ROR1: variants seen among roughly 807,000 people sequenced by gnomAD.
ROR1 encodes the protein ROR family WNT receptor 1, also known as inactive tyrosine-protein kinase transmembrane receptor ROR1.
ROR1 carries 19 observed loss-of-function variants against 78.8 expected under a neutral mutation model. That is an observed-to-expected ratio of 0.24 (90% CI 0.17 to 0.35). The LOEUF is 0.35. Among genes scored for constraint, ROR1 ranks in the 10% least tolerant of loss-of-function variants. The pLI is 1.00. For synonymous variants in ROR1, 386 were observed against 433.6 expected, an observed-to-expected ratio of 0.89 and a Z score of 1.36; for missense variants, 917 against 1,177.8, an observed-to-expected ratio of 0.78 and a Z score of 3.24.
chr1:63,936,072 A>G (rs1212577260), intron 1 of ROR1, among the ~76,000 whole-genome samples: 1 of 152,254 alleles, frequency 6.6e-6, no homozygotes, highest in Non-Finnish European at 1.5e-5. Flanking sequence ...CTGGCATCCC[A>G]GTGGCATTAC....
chr1:63,876,853 G>T (rs1645289628), intron 1 of ROR1, among the ~76,000 whole-genome samples: 2 of 151,832 alleles, frequency 1.3e-5, no homozygotes, highest in South Asian at 4.2e-4. Context: ...AGACTGCTTA[G>T]CTCATCCAGT....
intron 1 of ROR1, among the ~76,000 whole-genome samples, chr1:64,001,762 C>T (rs999804333): frequency 1.3e-5 from 2 of 152,138 alleles, no homozygotes; most frequent in Non-Finnish European, 2.9e-5. Context: ...GCTCAGATTT[C>T]GCTCTGGCCT....
chr1:64,071,028 G>T (rs1271772192), intron 4 of ROR1, among the ~76,000 whole-genome samples: 1 of 152,198 alleles, frequency 6.6e-6, no homozygotes, highest in Non-Finnish European at 1.5e-5. Flanking sequence ...CAAAATAACA[G>T]CAAGAACAAA....
At chr1:63,833,651 A>G (rs1440649814) in intron 1 of ROR1, among the ~76,000 whole-genome samples, 2 of 152,092 alleles carry the variant, frequency 1.3e-5, no homozygotes, top group Non-Finnish European at 2.9e-5. Context: ...GGTTCTATCT[A>G]TAAAGTTCCT....
At chr1:64,148,559 A>G (rs967670334) in intron 7 of ROR1, among the ~76,000 whole-genome samples, 1 of 152,196 alleles carries the variant, frequency 6.6e-6, no homozygotes, top group African/African-American at 2.4e-5. Flanking sequence ...TTTTAGTTTC[A>G]ACTAAGTAGA....
chr1:64,071,563 C>G (rs1407493085), intron 4 of ROR1, among the ~76,000 whole-genome samples: 1 of 151,742 alleles, frequency 6.6e-6, no homozygotes, highest in Admixed American at 6.6e-5. Flanking sequence ...CCACTCCCCC[C>G]CGCCCCACCA....
intron 1 of ROR1, among the ~76,000 whole-genome samples, chr1:63,867,665 T>C (rs1335153453): frequency 6.6e-6 from 1 of 152,208 alleles, no homozygotes; most frequent in Non-Finnish European, 1.5e-5. Flanking sequence ...TGTCTTTTCT[T>C]CCAAGTTATG....
At chr1:63,833,533 G>C (rs940575853) in intron 1 of ROR1, among the ~76,000 whole-genome samples, 1 of 152,222 alleles carries the variant, frequency 6.6e-6, no homozygotes, top group Non-Finnish European at 1.5e-5. Flanking sequence ...GTTCTGGCTA[G>C]CTCGGGGACG....
intron 8 of ROR1, among the ~76,000 whole-genome samples, chr1:64,162,902 G>T (rs1380349262): frequency 6.6e-6 from 1 of 152,032 alleles, no homozygotes; most frequent in African/African-American, 2.4e-5. Context: ...TACATCCCCT[G>T]CCAGGTATGA....
intron 4 of ROR1, among the ~76,000 whole-genome samples, chr1:64,082,704 T>C (rs1280429911): frequency 6.6e-6 from 1 of 152,240 alleles, no homozygotes; most frequent in South Asian, 2.1e-4. Flanking sequence ...CTCTAGTAAG[T>C]AGGCAGTCCT....
At chr1:64,117,758 C>T (rs1648362875) in intron 4 of ROR1, among the ~76,000 whole-genome samples, 1 of 152,238 alleles carries the variant, frequency 6.6e-6, no homozygotes, top group East Asian at 1.9e-4. Context: ...GCCTGCCTTC[C>T]TCCAGCCTTG....
At position 64,032,185 on chromosome 1, in the gene ROR1, A is replaced by C. The variant is rs113058060; in HGVS notation, c.164-17506A>C. Among the ~76,000 whole-genome samples the C allele has an allele frequency of 3.8e-3, 577 of 151,810 alleles. 6 individuals carry two copies. Among genetic ancestry groups the C allele is most frequent in the African/African-American group, 0.014 (559 of 41,400 alleles). ...GTGAAACCCCGTCTCTACTAAACAT[A>C]AAAAAATTAGCCGGGCATGGTGGTG... On this transcript the variant is annotated intron_variant, in intron 2 of 8. Transcript: ENST00000371079.
At chr1:64,080,976 A>G (rs1647096964) in intron 4 of ROR1, among the ~76,000 whole-genome samples, 1 of 152,228 alleles carries the variant, frequency 6.6e-6, no homozygotes, top group African/African-American at 2.4e-5. Context: ...CACACAGCAC[A>G]TGCTAACATG....
chr1:63,923,822 A>ATG (rs1451549674), intron 1 of ROR1, among the ~76,000 whole-genome samples: 1 of 151,722 alleles, frequency 6.6e-6, no homozygotes, highest in Non-Finnish European at 1.5e-5. Context: ...CTGCCCACTT[A>ATG]CCCACCTCCA....
At chr1:63,934,569 A>G (rs1405732447) in intron 1 of ROR1, among the ~76,000 whole-genome samples, 1 of 152,220 alleles carries the variant, frequency 6.6e-6, no homozygotes, top group African/African-American at 2.4e-5. Flanking sequence ...TTTGACAGAT[A>G]AAACTGTTTA....
chr1:63,937,155 G>C (rs1645800093), intron 1 of ROR1, among the ~76,000 whole-genome samples: 1 of 152,172 alleles, frequency 6.6e-6, no homozygotes, highest in Non-Finnish European at 1.5e-5. Flanking sequence ...AGCTCCTCCA[G>C]GCCAGGGGTC....
chr1:63,880,744 A>G (rs1239629555), intron 1 of ROR1, among the ~76,000 whole-genome samples: 2 of 152,138 alleles, frequency 1.3e-5, no homozygotes, highest in Non-Finnish European at 2.9e-5. Flanking sequence ...TAGTTGCTTC[A>G]TACATGAAGT....
At chr1:64,009,948 C>T (rs1315546433) in intron 2 of ROR1, among the ~76,000 whole-genome samples, 1 of 152,142 alleles carries the variant, frequency 6.6e-6, no homozygotes, top group African/African-American at 2.4e-5. Context: ...TGGAGTGGTA[C>T]ATCAGGACAC....
intron 1 of ROR1, among the ~76,000 whole-genome samples, chr1:63,851,053 C>A: frequency 6.6e-6 from 1 of 152,186 alleles, no homozygotes; most frequent in African/African-American, 2.4e-5. Context: ...GATCTAGGCT[C>A]ACTGCAACCT....
Sources: allele counts gnomAD v4.1 joint callset (sites outside exome capture counted in the v4.1 genomes callset), GRCh38; gene constraint gnomAD v4.1.1; transcripts MANE v1.5; gene names NCBI Gene and HGNC (gene_info 2026-07-23, HGNC 2026-07-21).